Variants in GRM5 observed in about 807,000 individuals in gnomAD.
GRM5 encodes metabotropic glutamate receptor 5.
Under a neutral mutation model 83.1 loss-of-function variants are expected in GRM5, and 19 were observed. That is an observed-to-expected ratio of 0.23 (90% CI 0.16 to 0.34). The LOEUF is 0.34. Among genes scored for constraint, GRM5 ranks in the 10% least tolerant of loss-of-function variants. The pLI, the probability that GRM5 is intolerant of heterozygous loss-of-function variation, is 1.00. For missense variants in GRM5, 1,160 were observed against 1,588.3 expected, an observed-to-expected ratio of 0.73 and a Z score of 4.58; for synonymous variants, 675 against 633.6, an observed-to-expected ratio of 1.07 and a Z score of -0.98.
At chr11:88,866,381 C>T (rs1263215176) in intron 2 of GRM5, among the ~76,000 whole-genome samples, 1 of 151,906 alleles carries the variant, frequency 6.6e-6, no homozygotes. Flanking sequence ...GGGAGGGGAT[C>T]ACCACACACT....
intron 2 of GRM5, among the ~76,000 whole-genome samples, chr11:88,872,718 G>C (rs1430593696): frequency 6.6e-6 from 1 of 150,984 alleles, no homozygotes; most frequent in Non-Finnish European, 1.5e-5. Context: ...GCAATTGTGA[G>C]GTATTGAATA....
intron 2 of GRM5, among the ~76,000 whole-genome samples, chr11:88,962,263 T>C (rs995426942): frequency 6.6e-6 from 1 of 152,140 alleles, no homozygotes; most frequent in Admixed American, 6.5e-5. Context: ...AATTTAGCCA[T>C]CCACCCACCT....
chr11:88,842,123 A>G (rs1412149682), intron 3 of GRM5, among the ~76,000 whole-genome samples: 3 of 152,180 alleles, frequency 2.0e-5, no homozygotes, highest in Admixed American at 6.5e-5. Flanking sequence ...CTTATAATAG[A>G]TTGGTGTAGA....
At chr11:88,717,628 A>C in intron 3 of GRM5, among the ~76,000 whole-genome samples, 1 of 151,876 alleles carries the variant, frequency 6.6e-6, no homozygotes, top group East Asian at 1.9e-4. Context: ...CATATAGCAA[A>C]ATATCGTTCT....
chr11:88,906,803 C>T (rs1330169553), intron 2 of GRM5, among the ~76,000 whole-genome samples: 1 of 152,066 alleles, frequency 6.6e-6, no homozygotes, highest in Non-Finnish European at 1.5e-5. Context: ...ATGGAAACTC[C>T]ATTGAGCCAT....
intron 3 of GRM5, among the ~76,000 whole-genome samples, chr11:88,659,633 A>G (rs1480074112): frequency 2.0e-5 from 3 of 152,210 alleles, no homozygotes; most frequent in Non-Finnish European, 4.4e-5. Flanking sequence ...AATATAAAGC[A>G]GACCAATAGT....
chr11:88,759,568 T>C (rs959495562), intron 3 of GRM5, among the ~76,000 whole-genome samples: 1 of 152,142 alleles, frequency 6.6e-6, no homozygotes, highest in Non-Finnish European at 1.5e-5. Context: ...AGCACCCTGA[T>C]TCATAAAGCA....
chr11:88,636,384 C>T lies in GRM5; in HGVS notation c.1147+16784G>A, dbSNP rs548699041. 9.2e-5 allele frequency among the ~76,000 whole-genome samples: 14 copies of T among 152,190 alleles called. 1 individual carries two copies. The South Asian group carries it at 2.7e-3, about 29-fold the overall frequency. The stretch of plus-strand genomic sequence containing the variant: ...AAAATTATCTGGGCTTGGTGGTATG[C>T]TCCTGTAATCCCAGATACTCAGGAG... On this transcript the variant is annotated intron_variant, in intron 4 of 9. Coordinates refer to ENST00000305447, the MANE Select transcript of GRM5 (RefSeq NM_001143831.3).
At chr11:88,665,367 T>A (rs994952136) in intron 3 of GRM5, among the ~76,000 whole-genome samples, 1 of 152,178 alleles carries the variant, frequency 6.6e-6, no homozygotes. Flanking sequence ...AGAAGATGCT[T>A]AAGAGACCTT....
intron 8 of GRM5, among the ~76,000 whole-genome samples, chr11:88,555,538 T>C (rs1330135506): frequency 6.6e-6 from 1 of 152,182 alleles, no homozygotes; most frequent in African/African-American, 2.4e-5. Flanking sequence ...GTTTACCAAG[T>C]TGTGGTCTCT....
At chr11:88,722,653 T>TTTTG (rs999261080) in intron 3 of GRM5, among the ~76,000 whole-genome samples, 8 of 152,126 alleles carry the variant, frequency 5.3e-5, no homozygotes, top group Admixed American at 2.0e-4. Context: ...AAATGGTCTG[T>TTTTG]TTTGTTTGGA....
At chr11:88,670,003 A>C (rs1478860950) in intron 3 of GRM5, among the ~76,000 whole-genome samples, 1 of 152,102 alleles carries the variant, frequency 6.6e-6, no homozygotes, top group Non-Finnish European at 1.5e-5. Context: ...ATAAAGAACA[A>C]AGTTTATTTG....
chr11:88,813,359 G>A (rs1943617814), intron 3 of GRM5, among the ~76,000 whole-genome samples: 1 of 152,092 alleles, frequency 6.6e-6, no homozygotes, highest in Admixed American at 6.6e-5. Flanking sequence ...GGATTTTTTA[G>A]TTCTCTCACT....
At chr11:88,602,656 ATTGT>A (rs1565356375) in intron 5 of GRM5, among the ~76,000 whole-genome samples, 3 of 152,182 alleles carry the variant, frequency 2.0e-5, no homozygotes, top group Non-Finnish European at 4.4e-5. Flanking sequence ...TGGTTGATTA[ATTGT>A]CAGGCTGTTG....
intron 1 of GRM5, among the ~76,000 whole-genome samples, chr11:89,050,363 T>C (rs1191858572): frequency 6.6e-6 from 1 of 152,224 alleles, no homozygotes; most frequent in Non-Finnish European, 1.5e-5. Context: ...ATGTATATGC[T>C]ATAATTCTGT....
rs751665916 is a variant in GRM5, at chr11:88,821,864, C to T, written c.911+28042G>A. Among the ~76,000 whole-genome samples, 9 of 152,124 alleles carry T rather than the reference C, an allele frequency of 5.9e-5. 1 individual carries two copies. The highest frequency in any genetic ancestry group is 5.9e-4 in the Admixed American group (9 of 15,268). ...TCATTTGTCCCTGTTAGATGAGAGA[C>T]AAGAGCTAGGCCCTCAATACATTCT... On this transcript the variant is annotated intron_variant, in intron 3 of 9. Coordinates refer to ENST00000305447, the MANE Select transcript of GRM5 (RefSeq NM_001143831.3).
At chr11:88,789,491 T>G (rs1943132157) in intron 3 of GRM5, among the ~76,000 whole-genome samples, 1 of 152,192 alleles carries the variant, frequency 6.6e-6, no homozygotes, top group Non-Finnish European at 1.5e-5. Context: ...TGTTATAAAT[T>G]GAACATTTTT....
chr11:88,760,592 C>T lies in GRM5; in HGVS notation c.911+89314G>A, dbSNP rs537376894. On this transcript the variant is annotated intron_variant, in intron 3 of 9. Transcript: ENST00000305447. ...ATAGCCTACCAACCAAAACAATTCT[C>T]AGTGCCATATGGATTCACAGCCAAA... 2.6e-5 allele frequency among the ~76,000 whole-genome samples: 4 copies of T among 152,002 alleles called. No homozygotes were observed. In the South Asian group the frequency reaches 6.2e-4, roughly 24 times the overall value.
rs1940666430 is a variant in GRM5, at chr11:88,687,549, C to CTT, written c.912-34147_912-34146insAA. ...ACATACATATATATACACACACACACACACATATATATTATATATATATAT... is the reference window on the plus strand; with the variant it reads ...ACATACATATATATACACACACACACTTACACATATATATTATATATATATAT... On this transcript the variant is annotated intron_variant, in intron 3 of 9. Transcript: ENST00000305447. Among the ~76,000 whole-genome samples the CTT allele has an allele frequency of 6.9e-4, 6 of 8,668 alleles. No homozygotes were observed. The East Asian group carries it at 0.017, about 25-fold the overall frequency. The allele number at this position is 8,668 out of a possible 152,430, so 5.7% of individuals were successfully genotyped here.
Sources: allele counts gnomAD v4.1 joint callset (sites outside exome capture counted in the v4.1 genomes callset), GRCh38; gene constraint gnomAD v4.1.1; transcripts MANE v1.5; gene names NCBI Gene and HGNC (gene_info 2026-07-23, HGNC 2026-07-21).